TIGAR: variants seen among roughly 807,000 people sequenced by gnomAD.
TIGAR encodes the protein fructose-2,6-bisphosphatase TIGAR.
A neutral mutation model predicts 17.9 loss-of-function variants in TIGAR; 7 were observed. That is an observed-to-expected ratio of 0.39 (90% CI 0.22 to 0.73). The LOEUF is 0.73. Ranked by LOEUF, TIGAR falls within the 30% of genes least tolerant of loss-of-function variation. The pLI is 0.42. For synonymous variants in TIGAR, 94 were observed against 108.6 expected (o/e 0.87, Z 0.84); for missense variants, 258 against 327.4 (o/e 0.79, Z 1.64).
chr12:4,334,683 C>T (rs766194367), intron 2 of TIGAR, among the ~76,000 whole-genome samples: 6 of 152,144 alleles, frequency 3.9e-5, no homozygotes, highest in African/African-American at 7.2e-5. Flanking sequence ...TCCTGAAGTA[C>T]GTTCTTTGAA....
Position 4,356,323 on chromosome 12 carries a change from T to A in TIGAR, c.*3632T>A, listed in dbSNP as rs1864900896. On this transcript the variant is annotated 3_prime_UTR_variant, in exon 6 of 6. Transcript: ENST00000179259. ...CCCATCTGTGAATGTCATAGATCTC[T>A]CATTTTGCCTGAGTCTTTTATGCAA... Among the ~76,000 whole-genome samples the A allele has an allele frequency of 6.6e-6, 1 of 152,200 alleles. No homozygotes were observed. Among genetic ancestry groups the A allele is most frequent in the African/African-American group, 2.4e-5 (1 of 41,424 alleles).
chr12:4,337,531 C>G (rs1490355186), intron 3 of TIGAR, among the ~76,000 whole-genome samples: 1 of 152,224 alleles, frequency 6.6e-6, no homozygotes, highest in Non-Finnish European at 1.5e-5. Flanking sequence ...CTTGAAAAAT[C>G]TGCTACCAGA....
At chr12:4,335,289 A>G (rs542092588) in intron 2 of TIGAR, among the ~76,000 whole-genome samples, 55 of 151,756 alleles carry the variant, frequency 3.6e-4, no homozygotes, top group African/African-American at 1.3e-3. Context: ...CACCCCCTTC[A>G]GCCTCCCAAA....
intron 1 of TIGAR, among the ~76,000 whole-genome samples, chr12:4,329,073 G>A (rs998948228): frequency 2.0e-5 from 3 of 151,972 alleles, no homozygotes; most frequent in Non-Finnish European, 4.4e-5. Context: ...CTTTCTAAAA[G>A]GGTAGCTTTC....
rs1864892163 is a variant in TIGAR at position 4,355,635 on chromosome 12, T to A, written c.*2944T>A. Among the ~76,000 whole-genome samples, 1 of 152,256 alleles carries A rather than the reference T, an allele frequency of 6.6e-6. No individual in the cohort carries two copies. The highest frequency in any genetic ancestry group is 6.5e-5 in the Admixed American group (1 of 15,280). On this transcript the variant is annotated 3_prime_UTR_variant, in exon 6 of 6. Coordinates refer to ENST00000179259, the MANE Select transcript of TIGAR (RefSeq NM_020375.3). ...ACACATGCCAGGCTATTTTAAGAACTACTACAACTATGATAAAGCTGTGAA... is the reference window on the plus strand; with the variant it reads ...ACACATGCCAGGCTATTTTAAGAACAACTACAACTATGATAAAGCTGTGAA...
At position 4,359,870 on chromosome 12, in the gene TIGAR, T is replaced by G. The variant is rs2120713470; in HGVS notation, c.*7179T>G. Among the ~76,000 whole-genome samples, 1 of 152,324 alleles carries G rather than the reference T, an allele frequency of 6.6e-6. No individual in the cohort carries two copies. The highest frequency in any genetic ancestry group is 3.4e-3 in the Middle Eastern group (1 of 294). On this transcript the variant is annotated 3_prime_UTR_variant, in exon 6 of 6. Coordinates refer to ENST00000179259, the MANE Select transcript of TIGAR (RefSeq NM_020375.3). ...TCACATCCTTGCCAACATTTGTTATTATCAGTTTCTAAAATTTTAGCCATT... is the reference window on the plus strand; with the variant it reads ...TCACATCCTTGCCAACATTTGTTATGATCAGTTTCTAAAATTTTAGCCATT...
chr12:4,330,475 A>C (rs955968559), intron 1 of TIGAR, among the ~76,000 whole-genome samples: 1 of 152,180 alleles, frequency 6.6e-6, no homozygotes, highest in Non-Finnish European at 1.5e-5. Flanking sequence ...GTCAGCAAAC[A>C]TTTAATTAGT....
Position 4,357,813 on chromosome 12 carries a change from C to T in TIGAR, c.*5122C>T, listed in dbSNP as rs745324680. On this transcript the variant is annotated 3_prime_UTR_variant, in exon 6 of 6. Coordinates refer to ENST00000179259, the MANE Select transcript of TIGAR (RefSeq NM_020375.3). Reference sequence around the variant, plus strand: ...CTTAGTAATTTTGTGACCAAGCAATCGCTGAGGTGGCTGGGCGTGGTGGCT... The same window carrying T: ...CTTAGTAATTTTGTGACCAAGCAATTGCTGAGGTGGCTGGGCGTGGTGGCT... Among the ~76,000 whole-genome samples, 15 of 151,768 alleles carry T rather than the reference C, an allele frequency of 9.9e-5. No individual in the cohort carries two copies. Among genetic ancestry groups the T allele is most frequent in the Non-Finnish European group, 2.2e-4 (15 of 67,774 alleles).
intron 3 of TIGAR, among the ~76,000 whole-genome samples, chr12:4,348,230 T>C (rs534364010): frequency 2.0e-5 from 3 of 152,110 alleles, no homozygotes; most frequent in African/African-American, 4.8e-5. Flanking sequence ...CAGAAAGAGA[T>C]AGCAGAGAGA....
intron 2 of TIGAR, 45 bp from the exon 3 acceptor site, chr12:4,336,994 T>C: frequency 6.5e-7 from 1 of 1,532,004 alleles, no homozygotes; most frequent in East Asian, 2.3e-5. Context: ...ACATCTCTGA[T>C]ATGTAGTTTT....
chr12:4,328,339 C>G (rs139942311), intron 1 of TIGAR, among the ~76,000 whole-genome samples: 1,833 of 150,048 alleles, frequency 0.012, 44 homozygotes, highest in African/African-American at 0.042. Flanking sequence ...TTACAGGTGC[C>G]TGCCACCACG....
chr12:4,323,422 T>C (rs1162310002), intron 1 of TIGAR, among the ~76,000 whole-genome samples: 1 of 152,258 alleles, frequency 6.6e-6, no homozygotes, highest in Non-Finnish European at 1.5e-5. Flanking sequence ...AAAAAGGGTT[T>C]GATTCCGGAG....
intron 3 of TIGAR, among the ~76,000 whole-genome samples, 181 bp from the exon 4 acceptor site, chr12:4,349,638 C>T (rs910723219): frequency 3.9e-5 from 6 of 152,076 alleles, no homozygotes; most frequent in African/African-American, 1.4e-4. Context: ...AGGATGGTCT[C>T]GATCTCCTGA....
chr12:4,342,211 A>C (rs1342331824), intron 3 of TIGAR, among the ~76,000 whole-genome samples: 1 of 152,238 alleles, frequency 6.6e-6, no homozygotes, highest in Non-Finnish European at 1.5e-5. Flanking sequence ...AAATGAACAA[A>C]GCCTCCAAGA....
chr12:4,341,286 G>T (rs1305572682), intron 3 of TIGAR, among the ~76,000 whole-genome samples: 1 of 151,998 alleles, frequency 6.6e-6, no homozygotes, highest in Admixed American at 6.6e-5. Context: ...AGGGGGGGCG[G>T]TTCCAAGATG....
chr12:4,344,020 A>C (rs1376134197), intron 3 of TIGAR, among the ~76,000 whole-genome samples: 1 of 152,128 alleles, frequency 6.6e-6, no homozygotes, highest in Non-Finnish European at 1.5e-5. Context: ...ATCAAATGGA[A>C]GCAATAAAAA....
rs61909234 is a variant in TIGAR at position 4,357,920 on chromosome 12, A to G, written c.*5229A>G. Among the ~76,000 whole-genome samples the G allele has an allele frequency of 0.091, 13,809 of 151,760 alleles. 765 individuals carry two copies. The highest frequency in any genetic ancestry group is 0.12 in the Non-Finnish European group (8,391 of 67,916). On this transcript the variant is annotated 3_prime_UTR_variant, in exon 6 of 6. Transcript: ENST00000179259. ...AGATAGAGACCATCCTGGCTAACAC[A>G]GTGAAACCTCGTCTCCACTGAAAAA... is the stretch of plus-strand genomic sequence containing the variant.
At chr12:4,331,223 T>C in intron 1 of TIGAR, 57 bp from the exon 2 acceptor site, 1 of 1,482,620 alleles carries the variant, frequency 6.7e-7, no homozygotes, top group Non-Finnish European at 9.4e-7. Context: ...ATTTTTTTCC[T>C]CCTCTCAAAA....
chr12:4,329,522 A>G (rs1023431769), intron 1 of TIGAR, among the ~76,000 whole-genome samples: 1 of 151,902 alleles, frequency 6.6e-6, no homozygotes, highest in African/African-American at 2.4e-5. Context: ...TATTTTTAGT[A>G]GAGATGGGGT....
Sources: gnomAD v4.1 joint callset for allele counts (sites outside exome capture counted in the v4.1 genomes callset) on GRCh38, gnomAD v4.1.1 for gene constraint, MANE v1.5 for transcripts, NCBI Gene and HGNC (gene_info 2026-07-23, HGNC 2026-07-21) for gene names.